SNX13: variants seen among roughly 807,000 people sequenced by gnomAD.
SNX13 encodes sorting nexin-13.
A neutral mutation model predicts 133.6 loss-of-function variants in SNX13; 45 were observed. That is an observed-to-expected ratio of 0.34 (90% CI 0.27 to 0.43). The LOEUF (loss-of-function observed/expected upper bound fraction) is 0.43, where lower values mean the gene tolerates loss of function less well. SNX13 is among the 20% of genes least tolerant of loss of function. The pLI is 1.00. For missense variants in SNX13, 1,032 were observed against 1,145.1 expected, an observed-to-expected ratio of 0.90 and a Z score of 1.43; for synonymous variants, 414 against 373.9, an observed-to-expected ratio of 1.11 and a Z score of -1.24.
chr7:17,891,686 C>T (rs1225412947), intron 3 of SNX13, 51 bp from the exon 4 acceptor site: 1 of 1,317,192 alleles, frequency 7.6e-7, no homozygotes, highest in Admixed American at 1.8e-5. Flanking sequence ...TGTAAAATCT[C>T]TCCAGTTTAA....
chr7:17,888,603 G>A (rs2127990059), intron 5 of SNX13: 2 of 456,650 alleles, frequency 4.4e-6, no homozygotes, highest in East Asian at 7.0e-5. Context: ...TATGGGTGTT[G>A]GATGGCATAA....
rs575099386 is a variant in SNX13, at chr7:17,910,162, C to T, written c.13-12716G>A. On this transcript the variant is annotated intron_variant, in intron 1 of 25. Coordinates refer to ENST00000428135, the MANE Select transcript of SNX13 (RefSeq NM_015132.5). The stretch of plus-strand genomic sequence containing the variant: ...TTGCTATTTCTTTTTGATTATTTTC[C>T]TTTTATTTTGTGCAATAAATAGACT... Among the ~76,000 whole-genome samples the T allele has an allele frequency of 2.2e-4, 33 of 152,206 alleles. No homozygotes were observed. The South Asian group carries it at 6.4e-3, about 30-fold the overall frequency.
chr7:17,880,670 T>C (rs1795231305), intron 5 of SNX13: 1 of 152,152 alleles, frequency 6.6e-6, no homozygotes, highest in African/African-American at 2.4e-5. Context: ...CAGTACAGCA[T>C]ACAAAGGGAA....
chr7:17,848,775 C>T (rs1011547449), intron 11 of SNX13, among the ~76,000 whole-genome samples: 7 of 152,314 alleles, frequency 4.6e-5, no homozygotes, highest in South Asian at 2.1e-4. Flanking sequence ...CTTGCTCACG[C>T]GCTCCCCACC....
At position 17,839,977 on chromosome 7, in the gene SNX13, G is replaced by T. The variant is rs763684433; in HGVS notation, c.1189C>A (p.Gln397Lys). The change falls in exon 13 of 26, where the codon CAA (glutamine) becomes AAA (lysine). Residue 397 changes from glutamine (Q) to lysine (K), a missense_variant. By Grantham distance (53) the Gln-to-Lys change is moderately conservative. Transcript: ENST00000428135. ...GTCATCCAAAAGAATAGATGTGCTT[G>T]ACCTCCAGTTTGCTGCATGTAATCT... is the stretch of plus-strand genomic sequence containing the variant. Reference protein sequence around the residue: ...FMDYMQQTGGQAHLFFWMTVE... With the variant: ...FMDYMQQTGGKAHLFFWMTVE... 2 of 1,609,206 alleles carry T rather than the reference G, an allele frequency of 1.2e-6. No homozygotes were observed. The highest frequency in any genetic ancestry group is 8.5e-7 in the Non-Finnish European group (1 of 1,177,366).
chr7:17,814,301 A>C (rs928667267), intron 20 of SNX13, among the ~76,000 whole-genome samples: 1 of 152,188 alleles, frequency 6.6e-6, no homozygotes, highest in Non-Finnish European at 1.5e-5. Flanking sequence ...GAAACAAAAG[A>C]CTGCCTGATT....
chr7:17,831,136 A>G, intron 15 of SNX13: 2 of 984,400 alleles, frequency 2.0e-6, no homozygotes, highest in South Asian at 9.4e-5. Flanking sequence ...TTAAAGGAGA[A>G]TTTGGGAGCA....
intron 1 of SNX13, among the ~76,000 whole-genome samples, chr7:17,913,288 T>G (rs1799198657): frequency 6.6e-6 from 1 of 152,148 alleles, no homozygotes; most frequent in African/African-American, 2.4e-5. Context: ...CACTCCCCAG[T>G]GCACTGTTGC....
intron 20 of SNX13, among the ~76,000 whole-genome samples, chr7:17,808,412 A>G (rs1435917966): frequency 6.6e-6 from 1 of 152,212 alleles, no homozygotes; most frequent in Non-Finnish European, 1.5e-5. Flanking sequence ...AGAAAAAAGA[A>G]TGAAAAGAAA....
chr7:17,805,209 CTTTG>C (rs1178737234), intron 20 of SNX13, among the ~76,000 whole-genome samples: 23 of 63,454 alleles, frequency 3.6e-4, no homozygotes, highest in African/African-American at 1.5e-3. Flanking sequence ...GCTAATGATT[CTTTG>C]TGTGTGTGTG....
chr7:17,895,742 T>A (rs1797134719), intron 2 of SNX13, among the ~76,000 whole-genome samples: 1 of 152,178 alleles, frequency 6.6e-6, no homozygotes, highest in Non-Finnish European at 1.5e-5. Flanking sequence ...AGGATCTGGT[T>A]TTATTAAAGA....
At chr7:17,833,844 T>C (rs1325523306) in intron 15 of SNX13, among the ~76,000 whole-genome samples, 3 of 151,708 alleles carry the variant, frequency 2.0e-5, no homozygotes, top group Non-Finnish European at 4.4e-5. Context: ...TCAAGGCTTC[T>C]ATAGTTACAT....
chr7:17,889,162 C>T (rs141408483), intron 5 of SNX13: 3,098 of 154,006 alleles, frequency 0.02, 37 homozygotes, highest in Non-Finnish European at 0.03. Context: ...AATTCAAATT[C>T]TGACTTTCTT....
At chr7:17,808,858 G>C (rs1785638064) in intron 20 of SNX13, among the ~76,000 whole-genome samples, 1 of 152,088 alleles carries the variant, frequency 6.6e-6, no homozygotes, top group South Asian at 2.1e-4. Context: ...GCCCAACTAA[G>C]CTTCATAAGT....
At chr7:17,842,259 TCAG>T (rs1249935090) in intron 12 of SNX13, among the ~76,000 whole-genome samples, 1 of 152,068 alleles carries the variant, frequency 6.6e-6, no homozygotes, top group African/African-American at 2.4e-5. Flanking sequence ...CAAAAGATTA[TCAG>T]CAGATTTCTT....
intron 12 of SNX13, among the ~76,000 whole-genome samples, chr7:17,844,855 A>G (rs1293837696): frequency 6.6e-6 from 1 of 152,124 alleles, no homozygotes; most frequent in African/African-American, 2.4e-5. Flanking sequence ...TTTCATGACA[A>G]AAACACTCAA....
At chr7:17,922,551 TG>T (rs1476718212) in intron 1 of SNX13, among the ~76,000 whole-genome samples, 70 of 152,352 alleles carry the variant, frequency 4.6e-4, no homozygotes, top group Non-Finnish European at 3.1e-4. Flanking sequence ...TCTAAACCAA[TG>T]TTTTCTAAAT....
chr7:17,808,498 C>T (rs1314643234), intron 20 of SNX13, among the ~76,000 whole-genome samples: 3 of 152,096 alleles, frequency 2.0e-5, no homozygotes, highest in South Asian at 2.1e-4. Flanking sequence ...CTGAAAGTGA[C>T]GGGGAGAATG....
rs1443313477 is a variant in SNX13 at position 17,900,567 on chromosome 7, A to G, written c.13-3121T>C. 2.6e-5 allele frequency among the ~76,000 whole-genome samples: 4 copies of G among 152,186 alleles called. 1 individual carries two copies. The highest frequency in any genetic ancestry group is 5.9e-5 in the Non-Finnish European group (4 of 68,042). Reference sequence around the variant, plus strand: ...ATTCTTCCCTCCCCTTTCCACAAGTAGAGGAGTCTCTCCCTACAGCAAGCA... The same window carrying G: ...ATTCTTCCCTCCCCTTTCCACAAGTGGAGGAGTCTCTCCCTACAGCAAGCA... On this transcript the variant is annotated intron_variant, in intron 1 of 25. Transcript: ENST00000428135.
Sources: gnomAD v4.1 joint callset for allele counts (sites outside exome capture counted in the v4.1 genomes callset) on GRCh38, gnomAD v4.1.1 for gene constraint, MANE v1.5 for transcripts, NCBI Gene and HGNC (gene_info 2026-07-23, HGNC 2026-07-21) for gene names.